Variants in SAA4 observed in about 807,000 individuals in gnomAD.
SAA4 encodes serum amyloid A-4 protein.
SAA4 carries 8 observed loss-of-function variants against 11.2 expected under a neutral mutation model. That is an observed-to-expected ratio of 0.71 (90% CI 0.42 to 1.29). The LOEUF (loss-of-function observed/expected upper bound fraction) is 1.29, where lower values mean the gene tolerates loss of function less well. SAA4 is among the 50% of genes most tolerant of loss of function. The pLI is 0.01. For synonymous variants in SAA4, 60 were observed against 56.2 expected (o/e 1.07, Z -0.30); for missense variants, 171 against 164.2 (o/e 1.04, Z -0.23).
chr11:18,233,019 T>A (rs1480057445), intron 2 of SAA4, among the ~76,000 whole-genome samples: 3 of 152,190 alleles, frequency 2.0e-5, no homozygotes, highest in Non-Finnish European at 4.4e-5. Context: ...GGGCTGCACA[T>A]CTACCATAGC....
At position 18,231,445 on chromosome 11, in the gene SAA4, G is replaced by C. The variant is rs763270404; in HGVS notation, c.*57C>G. On this transcript the variant is annotated 3_prime_UTR_variant, in exon 4 of 4. Transcript: ENST00000278222. ...CTCAGTGACCCTGTGTCCCTGTCTGGGGGGAGAAGTGTGTGGCTCACAGCC... is the reference window on the plus strand; with the variant it reads ...CTCAGTGACCCTGTGTCCCTGTCTGCGGGGAGAAGTGTGTGGCTCACAGCC... 5.8e-5 allele frequency: 91 copies of C among 1,581,796 alleles called. No individual in the cohort carries two copies. Among genetic ancestry groups the C allele is most frequent in the Non-Finnish European group, 7.6e-5 (89 of 1,166,386 alleles).
chr11:18,235,779 T>C (rs747431737), intron 2 of SAA4, 57 bp downstream of exon 2: 119 of 1,553,460 alleles, frequency 7.7e-5, no homozygotes, highest in Non-Finnish European at 9.4e-5. Context: ...AGTGAGTATG[T>C]GGCCCCTGCT....
intron 2 of SAA4, 106 bp downstream of exon 2, chr11:18,235,730 C>T: frequency 2.7e-6 from 3 of 1,112,228 alleles, no homozygotes; most frequent in Non-Finnish European, 2.6e-6. Flanking sequence ...CACTCCTGCT[C>T]TGACCTCTGT....
chr11:18,235,651 C>T (rs1176479001), intron 2 of SAA4, among the ~76,000 whole-genome samples, 185 bp downstream of exon 2: 5 of 152,124 alleles, frequency 3.3e-5, no homozygotes, highest in African/African-American at 7.2e-5. Flanking sequence ...TTTAACCTCT[C>T]GTCTGGAAAC....
rs756882732 is a variant in SAA4, at chr11:18,235,874, C to T, written c.53G>A (p.Ser18Asn). Residue 18 changes from serine to asparagine, a missense_variant, in exon 2 of 4, where the codon AGT becomes AAT. Ser to Asn is a conservative substitution (Grantham distance 46). Coordinates refer to ENST00000278222, the MANE Select transcript of SAA4 (RefSeq NM_006512.4). ...CTTGAAAAACGAACGCCAGCTTTCA[C>T]TGGTGACTCCCATGACCAAGGAGCA... ...VFCSLVMGVT[S>N]ESWRSFFKEA... The T allele has an allele frequency of 6.2e-7, 1 of 1,613,890 alleles. No individual in the cohort carries two copies. Among genetic ancestry groups the T allele is most frequent in the East Asian group, 2.2e-5 (1 of 44,878 alleles).
At chr11:18,234,992 T>C (rs903702774) in intron 2 of SAA4, among the ~76,000 whole-genome samples, 1 of 152,266 alleles carries the variant, frequency 6.6e-6, no homozygotes, top group Non-Finnish European at 1.5e-5. Context: ...ATTTAAATGC[T>C]GGTGGACCAT....
Position 18,231,412 on chromosome 11 carries a change from A to G in SAA4, c.*90T>C. On this transcript the variant is annotated 3_prime_UTR_variant, in exon 4 of 4. Coordinates refer to ENST00000278222, the MANE Select transcript of SAA4 (RefSeq NM_006512.4). The stretch of plus-strand genomic sequence containing the variant: ...AGGTGCCCTATACCAGTTCCTGGGG[A>G]CACAAAGCTCAGTGACCCTGTGTCC... The G allele has an allele frequency of 1.3e-6, 2 of 1,534,234 alleles. No homozygotes were observed. Among genetic ancestry groups the G allele is most frequent in the South Asian group, 1.3e-5 (1 of 77,396 alleles).
At chr11:18,232,654 G>C in intron 2 of SAA4, 121 bp from the exon 3 acceptor site, 2 of 1,417,752 alleles carry the variant, frequency 1.4e-6, no homozygotes, top group Non-Finnish European at 1.9e-6. Flanking sequence ...GAAATCATAC[G>C]TGGAGATAAA....
intron 2 of SAA4, among the ~76,000 whole-genome samples, chr11:18,234,513 GTGT>G (rs1564901823): frequency 6.6e-6 from 1 of 152,208 alleles, no homozygotes; most frequent in Admixed American, 6.5e-5. Flanking sequence ...ATCAGTGCCT[GTGT>G]TGTTCAATCA....
At position 18,231,812 on chromosome 11, in the gene SAA4, A is replaced by T. The variant is rs112284920; in HGVS notation, c.231-148T>A. 2,920 of 1,024,616 alleles carry T rather than the reference A, an allele frequency of 2.8e-3. 61 individuals are homozygous for T. In the African/African-American group the frequency reaches 0.043, roughly 15 times the overall value. 63.5% of individuals were successfully genotyped at this position (1,024,616 alleles called of 1,614,324 possible). On this transcript the variant is annotated intron_variant, in intron 3 of 3. Transcript: ENST00000278222. Reference sequence around the variant, plus strand: ...AACTCAAGGAAAGGGGAAGAAAACTATCAATCTTCTTGGGCAAAGGCCTAA... The same window carrying T: ...AACTCAAGGAAAGGGGAAGAAAACTTTCAATCTTCTTGGGCAAAGGCCTAA...
intron 2 of SAA4, 145 bp from the exon 3 acceptor site, chr11:18,232,678 G>C (rs563932519): frequency 8.1e-7 from 1 of 1,238,350 alleles, no homozygotes; most frequent in African/African-American, 1.5e-5. Context: ...TACTTCCTGT[G>C]AACAGCTTCC....
Position 18,231,742 on chromosome 11 carries a change from C to A in SAA4, c.231-78G>T. Reference sequence around the variant, plus strand: ...CCTGAGACAGCTCCACCTGCTAACTCCCTCCTCTTCTCCCACCCAAGTAAT... The same window carrying A: ...CCTGAGACAGCTCCACCTGCTAACTACCTCCTCTTCTCCCACCCAAGTAAT... On this transcript the variant is annotated intron_variant, in intron 3 of 3. Transcript: ENST00000278222. 2.7e-6 allele frequency: 4 copies of A among 1,502,170 alleles called. 1 individual carries two copies. Among genetic ancestry groups the A allele is most frequent in the Non-Finnish European group, 2.7e-6 (3 of 1,124,936 alleles). The allele number at this position is 1,502,170 out of a possible 1,614,324, so 93.1% of individuals were successfully genotyped here.
Position 18,231,610 on chromosome 11 carries a change from G to T in SAA4, c.285C>A (p.Ser95Arg). The change falls in exon 4 of 4, where the codon AGC becomes AGA. Residue 95 changes from serine to arginine, a missense_variant. Physicochemically the swap from Ser to Arg is moderately radical, Grantham distance 110. Transcript: ENST00000278222. The part of the protein sequence containing the change: ...GLIDCYLFGN[S>R]STVLEDSKSN... ...ACTTCGAGTCCTCCAATACAGTGCT[G>T]CTGTTTCCAAATAAATAGCAGTCTA... 1 of 1,614,146 alleles carries T rather than the reference G, an allele frequency of 6.2e-7. No individual in the cohort carries two copies. Among genetic ancestry groups the T allele is most frequent in the African/African-American group, 1.3e-5 (1 of 75,022 alleles).
chr11:18,235,808 T>C (rs763465473), intron 2 of SAA4, 28 bp downstream of exon 2: 15 of 1,607,834 alleles, frequency 9.3e-6, no homozygotes, highest in Non-Finnish European at 1.2e-5. Context: ...ATCCTGGGTA[T>C]GTGCCCTCCA....
intron 2 of SAA4, among the ~76,000 whole-genome samples, chr11:18,232,922 T>C (rs964946254): frequency 1.3e-5 from 2 of 152,106 alleles, no homozygotes; most frequent in South Asian, 2.1e-4. Context: ...AAAGAGGGGA[T>C]GCTCATGTGA....
intron 2 of SAA4, 100 bp downstream of exon 2, chr11:18,235,734 CCT>C: frequency 8.7e-7 from 1 of 1,155,652 alleles, no homozygotes; most frequent in Non-Finnish European, 1.3e-6. Flanking sequence ...CCTGCTCTGA[CCT>C]CTGTGTGGCT....
chr11:18,236,386 T>C (rs1857213769), intron 1 of SAA4, among the ~76,000 whole-genome samples: 1 of 152,108 alleles, frequency 6.6e-6, no homozygotes, highest in African/African-American at 2.4e-5. Context: ...AAAGACTAAT[T>C]CCCCATTTCC....
chr11:18,232,465 G>T lies in SAA4; in HGVS notation c.160C>A (p.Leu54Ile), dbSNP rs374568730. ...ISNHQNSNRY[L>I]YARGNYDAAQ... ...GCATCATAGTTTCCCCGAGCATAGA[G>T]ATATCTGTTTGAATTTTGGTGATTG... Residue 54 changes from leucine to isoleucine, a missense_variant, in exon 3 of 4, where the codon CTC (leucine) becomes ATC (isoleucine). Physicochemically the swap from Leu to Ile is conservative, Grantham distance 5. Transcript: ENST00000278222. The T allele has an allele frequency of 6.2e-7, 1 of 1,614,164 alleles. No individual in the cohort carries two copies. The highest frequency in any genetic ancestry group is 1.1e-5 in the South Asian group (1 of 91,084).
intron 2 of SAA4, among the ~76,000 whole-genome samples, chr11:18,235,040 A>G (rs1374336507): frequency 6.6e-6 from 1 of 152,244 alleles, no homozygotes; most frequent in Non-Finnish European, 1.5e-5. Flanking sequence ...AAGGGAAAAG[A>G]TATTCTCTAC....
Sources: allele counts gnomAD v4.1 joint callset (sites outside exome capture counted in the v4.1 genomes callset), GRCh38; gene constraint gnomAD v4.1.1; transcripts MANE v1.5; gene names NCBI Gene and HGNC (gene_info 2026-07-23, HGNC 2026-07-21).